The following ATP11A variants were observed in gnomAD, a reference collection of about 807,000 sequenced individuals.
ATP11A encodes phospholipid-transporting ATPase IH.
Under a neutral mutation model 154.4 loss-of-function variants are expected in ATP11A, and 81 were observed. The observed-to-expected ratio is 0.52, with a 90% confidence interval of 0.44 to 0.63. The LOEUF (loss-of-function observed/expected upper bound fraction) is 0.63. ATP11A is among the 30% of genes least tolerant of loss of function. ATP11A has a pLI of 0.00. For synonymous variants in ATP11A, 623 were observed against 585.9 expected (o/e 1.06, Z -0.91); for missense variants, 1,316 against 1,474.3 (o/e 0.89, Z 1.76).
intron 2 of ATP11A, among the ~76,000 whole-genome samples, chr13:112,791,352 C>G (rs2077850830): frequency 6.6e-6 from 1 of 152,264 alleles, no homozygotes; most frequent in Non-Finnish European, 1.5e-5. Flanking sequence ...CCAGCCTGCC[C>G]CCTGGGAGCT....
intron 16 of ATP11A, among the ~76,000 whole-genome samples, chr13:112,841,508 C>T (rs2079417727): frequency 6.7e-6 from 1 of 148,166 alleles, no homozygotes; most frequent in Non-Finnish European, 1.5e-5. Flanking sequence ...TGGCAGAGTG[C>T]CACGTGGCTT....
chr13:112,858,542 T>G, intron 22 of ATP11A: 1 of 394,466 alleles, frequency 2.5e-6, no homozygotes, highest in Non-Finnish European at 4.6e-6. Flanking sequence ...AATAAACAGT[T>G]CCTCAGGTTT....
At position 112,700,873 on chromosome 13, in the gene ATP11A, C is replaced by T. The variant is rs1024050480; in HGVS notation, c.39+10418C>T. The stretch of plus-strand genomic sequence containing the variant: ...GTCACACATCCAGGGCAGTTGTTCA[C>T]TAGCATCCCCGCTACCCCTGAATCC... On this transcript the variant is annotated intron_variant, in intron 1 of 29. Coordinates refer to ENST00000375645, the MANE Select transcript of ATP11A (RefSeq NM_015205.3). 2.5e-4 allele frequency among the ~76,000 whole-genome samples: 38 copies of T among 152,234 alleles called. 2 individuals are homozygous for T. Among genetic ancestry groups the T allele is most frequent in the Non-Finnish European group, 4.4e-5 (3 of 68,046 alleles).
chr13:112,833,167 T>C, intron 14 of ATP11A, 144 bp downstream of exon 14: 1 of 1,042,866 alleles, frequency 9.6e-7, no homozygotes, highest in Non-Finnish European at 1.3e-6. Flanking sequence ...GCACCCAGCT[T>C]CTCTGGACCC....
intron 1 of ATP11A, among the ~76,000 whole-genome samples, chr13:112,700,266 C>T (rs145704139): frequency 7.9e-5 from 12 of 152,242 alleles, no homozygotes; most frequent in Admixed American, 2.6e-4. Flanking sequence ...CTTAGCGTGC[C>T]CACCCCCAAT....
chr13:112,871,827 C>T (rs1333703116), intron 26 of ATP11A, 27 bp downstream of exon 26: 1 of 1,604,884 alleles, frequency 6.2e-7, no homozygotes, highest in Non-Finnish European at 8.5e-7. Flanking sequence ...TCACGTTCCT[C>T]CCCCAGCCAC....
chr13:112,742,695 C>T (rs921491170), intron 1 of ATP11A, among the ~76,000 whole-genome samples: 4 of 152,184 alleles, frequency 2.6e-5, no homozygotes, highest in Non-Finnish European at 5.9e-5. Flanking sequence ...TAGATGGTAT[C>T]CCCCGTGTGT....
intron 1 of ATP11A, among the ~76,000 whole-genome samples, chr13:112,708,535 A>G (rs774930218): frequency 8.5e-5 from 13 of 152,272 alleles, no homozygotes; most frequent in Non-Finnish European, 1.8e-4. Context: ...TTGACAGAAA[A>G]GTAAAACGTA....
intron 2 of ATP11A, 148 bp from the exon 3 acceptor site, chr13:112,804,805 CAACA>C (rs1328479004): frequency 6.0e-6 from 3 of 500,832 alleles, no homozygotes; most frequent in African/African-American, 4.0e-5. Context: ...TCTTAGCTGT[CAACA>C]AACACTCTAA....
intron 25 of ATP11A, 40 bp from the exon 26 acceptor site, chr13:112,871,695 A>T (rs939008933): frequency 1.3e-6 from 2 of 1,583,334 alleles, no homozygotes; most frequent in Non-Finnish European, 1.7e-6. Context: ...AAAAAAAAAT[A>T]CATAAAAACG....
intron 2 of ATP11A, among the ~76,000 whole-genome samples, chr13:112,802,018 G>A (rs548492811): frequency 1.1e-4 from 16 of 152,276 alleles, no homozygotes; most frequent in South Asian, 4.1e-4. Context: ...GTAAAACTAC[G>A]GTAATCAAGA....
At position 112,754,869 on chromosome 13, in the gene ATP11A, G is replaced by T. The variant is rs1566430599; in HGVS notation, c.40-30266G>T. Among the ~76,000 whole-genome samples, 1 of 152,180 alleles carries T rather than the reference G, an allele frequency of 6.6e-6. No homozygotes were observed. The stretch of plus-strand genomic sequence containing the variant: ...ATGGAGCTCCGGGAATGCTGGCCCG[G>T]CCCCACTGCAGGGCTTCCCCAGCCC... On this transcript the variant is annotated intron_variant, in intron 1 of 29. Coordinates refer to ENST00000375645, the MANE Select transcript of ATP11A (RefSeq NM_015205.3). This position sits in a 1 kb window ranked among gnomAD's most constrained non-coding sequence, Gnocchi z 5.3.
At chr13:112,706,409 G>A (rs934352297) in intron 1 of ATP11A, among the ~76,000 whole-genome samples, 6 of 152,198 alleles carry the variant, frequency 3.9e-5, no homozygotes, top group African/African-American at 1.4e-4. Context: ...AGCTCATAAT[G>A]ATGTTAGTTG....
intron 1 of ATP11A, among the ~76,000 whole-genome samples, chr13:112,748,426 C>T (rs1566421641): frequency 6.6e-6 from 1 of 151,984 alleles, no homozygotes; most frequent in East Asian, 1.9e-4. Context: ...AGAGCAATAG[C>T]ATGATCTCAG....
At chr13:112,822,946 C>T (rs2078837024) in intron 8 of ATP11A, among the ~76,000 whole-genome samples, 1 of 152,144 alleles carries the variant, frequency 6.6e-6, no homozygotes, top group South Asian at 2.1e-4. Flanking sequence ...ATCTTCCTGA[C>T]TAGTGTGATG....
In ATP11A at chr13:112,690,307, G is replaced by A; in HGVS notation, c.-110G>A. On this transcript the variant is annotated 5_prime_UTR_variant, in exon 1 of 30. Coordinates refer to ENST00000375645, the MANE Select transcript of ATP11A (RefSeq NM_015205.3). This position sits in a 1 kb window ranked among gnomAD's most constrained non-coding sequence, Gnocchi z 5.6. ...CCCCCTGCACCGCCCGGCGCGCCGA[G>A]GCCGTGACCGGAGCGGGGGGCGCGG... 1.2e-6 allele frequency: 1 copy of A among 837,134 alleles called. No individual in the cohort carries two copies. 51.9% of individuals were successfully genotyped at this position (837,134 alleles called of 1,614,324 possible).
chr13:112,796,785 A>G (rs1187240280), intron 2 of ATP11A, among the ~76,000 whole-genome samples: 1 of 152,232 alleles, frequency 6.6e-6, no homozygotes, highest in Non-Finnish European at 1.5e-5. Flanking sequence ...TGACCTTGAG[A>G]CATGCCCATA....
At chr13:112,818,401 G>C (rs2078707239) in intron 6 of ATP11A, among the ~76,000 whole-genome samples, 1 of 152,182 alleles carries the variant, frequency 6.6e-6, no homozygotes, top group Non-Finnish European at 1.5e-5. Flanking sequence ...GTGTCCCCCT[G>C]ATTTGTGCAC....
At chr13:112,773,214 TG>T (rs1241128462) in intron 1 of ATP11A, among the ~76,000 whole-genome samples, 25 of 151,970 alleles carry the variant, frequency 1.6e-4, no homozygotes, top group African/African-American at 5.3e-4. Flanking sequence ...TGCCCTGCCC[TG>T]CCCTGCCCTG....
Sources: gnomAD v4.1 joint callset for allele counts (sites outside exome capture counted in the v4.1 genomes callset) on GRCh38, gnomAD v4.1.1 for gene constraint, Gnocchi (gnomAD v3.1) non-coding constraint, MANE v1.5 for transcripts, NCBI Gene and HGNC (gene_info 2026-07-23, HGNC 2026-07-21) for gene names.